FAM149B1: variants seen among roughly 807,000 people sequenced by gnomAD.
The protein encoded by FAM149B1 is primary cilium assembly protein FAM149B1.
In FAM149B1, 56 loss-of-function variants were observed where a neutral mutation model predicts 75.3. The ratio of observed to expected loss-of-function variants is 0.74; its 90% CI spans 0.60 to 0.93. The LOEUF (loss-of-function observed/expected upper bound fraction) is 0.93, where lower values mean the gene tolerates loss of function less well. FAM149B1 is among the 40% of genes least tolerant of loss of function. The pLI, the probability that FAM149B1 is intolerant of heterozygous loss-of-function variation, is 0.00. For missense variants in FAM149B1, 639 were observed against 708.4 expected, an observed-to-expected ratio of 0.90 and a Z score of 1.11; for synonymous variants, 259 against 256.1, an observed-to-expected ratio of 1.01 and a Z score of -0.11.
chr10:73,240,049 C>T (rs1443779803), intron 13 of FAM149B1, among the ~76,000 whole-genome samples: 1 of 152,104 alleles, frequency 6.6e-6, no homozygotes, highest in Non-Finnish European at 1.5e-5. Context: ...CTAAGCCTCC[C>T]ACATAGCTAG....
At chr10:73,239,597 A>T (rs182591045) in intron 13 of FAM149B1, among the ~76,000 whole-genome samples, 21 of 151,932 alleles carry the variant, frequency 1.4e-4, no homozygotes, top group African/African-American at 5.1e-4. Flanking sequence ...AAAGTTTCAG[A>T]TTCCTATTTT....
intron 2 of FAM149B1, among the ~76,000 whole-genome samples, chr10:73,177,574 C>CAAA (rs112060986): frequency 2.5e-3 from 363 of 145,382 alleles, no homozygotes; most frequent in African/African-American, 8.6e-3. Context: ...ATTCTGTCTC[C>CAAA]AAAAAAAAAA....
At chr10:73,173,607 C>A (rs1188464064) in intron 1 of FAM149B1, among the ~76,000 whole-genome samples, 5 of 152,070 alleles carry the variant, frequency 3.3e-5, no homozygotes, top group African/African-American at 7.2e-5. Flanking sequence ...GTATTGACCC[C>A]CTGTACAGTA....
chr10:73,170,076 A>G (rs988718442), intron 1 of FAM149B1, among the ~76,000 whole-genome samples: 31 of 148,454 alleles, frequency 2.1e-4, no homozygotes, highest in African/African-American at 7.7e-4. Context: ...CACATACATG[A>G]TAATTGCAAG....
In FAM149B1 at chr10:73,230,467, C is replaced by A; in HGVS notation, c.1069C>A (p.Leu357Ile). The A allele has an allele frequency of 6.5e-7, 1 of 1,550,334 alleles. No homozygotes were observed. The highest frequency in any genetic ancestry group is 2.0e-5 in the Admixed American group (1 of 51,010). Residue 357 changes from leucine to isoleucine, a missense_variant, in exon 9 of 14, where the codon CTC (leucine) becomes ATC (isoleucine). Transcript: ENST00000242505. ...CAGACATCAGCCAAATGTGAATGAT[C>A]TCTTGGTTCATGGAATGCCTCTACA... ...ASRHQPNVND[L>I]LVHGMPLQPR... is the part of the protein sequence containing the mutation.
chr10:73,210,949 C>T (rs1427304560), intron 7 of FAM149B1, among the ~76,000 whole-genome samples: 4 of 152,142 alleles, frequency 2.6e-5, no homozygotes, highest in Admixed American at 6.5e-5. Flanking sequence ...TTTTTTCCCC[C>T]ACAACCCAAG....
At chr10:73,193,296 A>C (rs954114415) in intron 4 of FAM149B1, among the ~76,000 whole-genome samples, 181 bp from the exon 5 acceptor site, 3 of 151,704 alleles carry the variant, frequency 2.0e-5, no homozygotes, top group Non-Finnish European at 4.4e-5. Context: ...TTCCATCTCC[A>C]TTCTATGGAA....
At chr10:73,226,706 G>GT (rs1262218300) in intron 7 of FAM149B1, among the ~76,000 whole-genome samples, 1 of 152,198 alleles carries the variant, frequency 6.6e-6, no homozygotes, top group Non-Finnish European at 1.5e-5. Flanking sequence ...AGTAGTTCCT[G>GT]TAATATTTAA....
chr10:73,190,493 AAAAC>A (rs1353298410), intron 3 of FAM149B1, among the ~76,000 whole-genome samples: 4 of 152,006 alleles, frequency 2.6e-5, no homozygotes, highest in African/African-American at 7.2e-5. Context: ...TAAAAAACAA[AAAAC>A]AAAAAAAAAA....
At chr10:73,239,246 C>A in intron 12 of FAM149B1, 66 bp from the exon 13 acceptor site, 3 of 1,360,198 alleles carry the variant, frequency 2.2e-6, no homozygotes, top group South Asian at 1.3e-5. Context: ...TTCCTGTGAA[C>A]CTGCTAAAAT....
Position 73,228,092 on chromosome 10 carries a change from G to T in FAM149B1, c.931G>T (p.Asp311Tyr), listed in dbSNP as rs753866250. 1.3e-6 allele frequency: 2 copies of T among 1,551,430 alleles called. No homozygotes were observed. Among genetic ancestry groups the T allele is most frequent in the Admixed American group, 2.0e-5 (1 of 50,996 alleles). The change falls in exon 8 of 14, where the codon GAT becomes TAT. Residue 311 changes from aspartate to tyrosine, a missense_variant. Coordinates refer to ENST00000242505, the MANE Select transcript of FAM149B1 (RefSeq NM_173348.2). ...GAGTAATGTTGCAGTTACCAGACCC[G>T]ATTCAGAAAGTTCCTGTGTGCTGAG... ...DESNVAVTRP[D>Y]SESSCVLSEL...
intron 7 of FAM149B1, among the ~76,000 whole-genome samples, chr10:73,210,841 A>T (rs569524455): frequency 6.6e-6 from 1 of 152,254 alleles, no homozygotes; most frequent in Admixed American, 6.5e-5. Flanking sequence ...AAGAAAAAAA[A>T]AAGTGGGTAT....
At chr10:73,204,817 G>T (rs181773356) in intron 5 of FAM149B1, among the ~76,000 whole-genome samples, 141 of 127,136 alleles carry the variant, frequency 1.1e-3, no homozygotes, top group Middle Eastern at 5.2e-3. Flanking sequence ...TCGCTCTGAC[G>T]CCCAGGCTGG....
chr10:73,205,830 G>A (rs2043042432), intron 5 of FAM149B1, among the ~76,000 whole-genome samples: 2 of 152,198 alleles, frequency 1.3e-5, no homozygotes, highest in African/African-American at 4.8e-5. Flanking sequence ...GGGATTATAG[G>A]TGTGAGCCAC....
At position 73,168,205 on chromosome 10, in the gene FAM149B1, G is replaced by A. The variant is rs905614619; in HGVS notation, c.-135G>A. ...GGTGGCTGCTCGGAGTCTAGGTGAC[G>A]GGGCGAGACGGGGCCGGTAGGTGGC... is the stretch of plus-strand genomic sequence containing the variant. On this transcript the variant is annotated 5_prime_UTR_variant, in exon 1 of 14. Coordinates refer to ENST00000242505, the MANE Select transcript of FAM149B1 (RefSeq NM_173348.2). 2 of 901,218 alleles carry A rather than the reference G, an allele frequency of 2.2e-6. No individual in the cohort carries two copies. Among genetic ancestry groups the A allele is most frequent in the Non-Finnish European group, 3.3e-6 (2 of 607,340 alleles). The allele number at this position is 901,218 out of a possible 1,614,324, so 55.8% of individuals were successfully genotyped here.
chr10:73,229,910 A>C (rs1457628591), intron 8 of FAM149B1, among the ~76,000 whole-genome samples: 2 of 152,174 alleles, frequency 1.3e-5, no homozygotes, highest in Non-Finnish European at 2.9e-5. Flanking sequence ...ATCCTGCTAA[A>C]ATTAGAACAG....
intron 5 of FAM149B1, among the ~76,000 whole-genome samples, chr10:73,194,113 A>G (rs1209997796): frequency 6.6e-6 from 1 of 152,166 alleles, no homozygotes; most frequent in East Asian, 1.9e-4. Context: ...CCCGTGATCC[A>G]ATTACCCCTT....
intron 7 of FAM149B1, among the ~76,000 whole-genome samples, chr10:73,218,131 C>T (rs2043335893): frequency 1.3e-5 from 2 of 152,074 alleles, no homozygotes; most frequent in South Asian, 4.2e-4. Flanking sequence ...TTATAGATAG[C>T]ACAGTTAAAA....
In FAM149B1 at chr10:73,174,669, TTG is replaced by T. The variant is rs1564676408; in HGVS notation, c.48-16_48-15del. On this transcript the variant is annotated splice_polypyrimidine_tract_variant and intron_variant, in intron 1 of 13. Transcript: ENST00000242505. Reference sequence around the variant, plus strand: ...ATTTTTTTATACAGGAAATATAACTTTGTTTTGTCTTTCACAGGAAAGGAATA... The same window carrying T: ...ATTTTTTTATACAGGAAATATAACTTTTTTGTCTTTCACAGGAAAGGAATA... 34 of 1,493,040 alleles carry T rather than the reference TTG, an allele frequency of 2.3e-5. No individual in the cohort carries two copies. The highest frequency in any genetic ancestry group is 3.1e-5 in the Non-Finnish European group (34 of 1,097,184). The allele number at this position is 1,493,040 out of a possible 1,614,324, so 92.5% of individuals were successfully genotyped here. A position where few individuals can be genotyped will look rare whatever the true frequency, so the allele number is the denominator to read the frequency against.
Sources: gnomAD v4.1 joint callset for allele counts (sites outside exome capture counted in the v4.1 genomes callset) on GRCh38, gnomAD v4.1.1 for gene constraint, MANE v1.5 for transcripts, NCBI Gene and HGNC (gene_info 2026-07-23, HGNC 2026-07-21) for gene names.